The following GALNT13 variants were observed in gnomAD, a reference collection of about 807,000 sequenced individuals.
GALNT13 encodes the protein polypeptide N-acetylgalactosaminyltransferase 13.
Under a neutral mutation model 64.2 loss-of-function variants are expected in GALNT13, and 28 were observed. That is an observed-to-expected ratio of 0.44 (90% confidence interval 0.32 to 0.60). GALNT13 has a LOEUF of 0.60. GALNT13 is among the 20% of genes least tolerant of loss of function. GALNT13 has a pLI of 0.05. For missense variants in GALNT13, 577 were observed against 669.8 expected (o/e 0.86, Z 1.53); for synonymous variants, 214 against 224.6 (o/e 0.95, Z 0.42).
intron 3 of GALNT13, among the ~76,000 whole-genome samples, chr2:154,059,909 G>T (rs1482088988): frequency 6.6e-6 from 1 of 152,100 alleles, no homozygotes; most frequent in East Asian, 1.9e-4. Context: ...GGTGAAGCTT[G>T]GGGAGCTGGT....
chr2:154,337,272 A>G (rs948822055), intron 9 of GALNT13, among the ~76,000 whole-genome samples: 2 of 152,130 alleles, frequency 1.3e-5, no homozygotes, highest in Non-Finnish European at 2.9e-5. Context: ...CTGATTACAG[A>G]GTAATATATG....
At chr2:153,400,841 G>A in the GALNT13 span, among the ~76,000 whole-genome samples, 14 of 151,898 alleles carry the variant, frequency 9.2e-5, no homozygotes, top group African/African-American at 2.4e-4. Context: ...TCTGGCTAAC[G>A]GTCTATCAAT....
the GALNT13 span, among the ~76,000 whole-genome samples, chr2:153,497,575 T>C: frequency 7.7e-6 from 1 of 129,818 alleles, no homozygotes; most frequent in East Asian, 2.7e-4. Context: ...TTTCACTCCG[T>C]CTCCCAGGCT....
chr2:154,176,490 G>A (rs916004872), intron 4 of GALNT13, among the ~76,000 whole-genome samples: 4 of 151,768 alleles, frequency 2.6e-5, no homozygotes, highest in African/African-American at 4.8e-5. Flanking sequence ...CTGACCTCAC[G>A]ATCTGCCTGC....
the GALNT13 span, among the ~76,000 whole-genome samples, chr2:153,338,543 G>C: frequency 2.6e-5 from 4 of 151,996 alleles, no homozygotes; most frequent in South Asian, 2.1e-4. Flanking sequence ...ATGATGTTTT[G>C]ATATAAACAG....
At chr2:153,491,321 A>G in the GALNT13 span, among the ~76,000 whole-genome samples, 24 of 152,090 alleles carry the variant, frequency 1.6e-4, no homozygotes, top group African/African-American at 5.1e-4. Flanking sequence ...AATTTTACTA[A>G]GAAACATAAA....
chr2:154,242,718 G>A lies in GALNT13; in HGVS notation c.499G>A (p.Glu167Lys). The A allele has an allele frequency of 2.5e-6, 4 of 1,611,724 alleles. 1 individual carries two copies. The highest frequency in any genetic ancestry group is 3.3e-4 in the Middle Eastern group (2 of 6,050). ...TACAGATTTTCTCAAGTTGACATTAGAGAATTACGTGAAAAATTTAGAAGT... is the reference window on the plus strand; with the variant it reads ...TACAGATTTTCTCAAGTTGACATTAAAGAATTACGTGAAAAATTTAGAAGT... ...SERDFLKLTLENYVKNLEVPV... is the reference protein window; with the variant it reads ...SERDFLKLTLKNYVKNLEVPV... The change falls in exon 6 of 13, where the codon GAG becomes AAG. Residue 167 changes from glutamate (E) to lysine (K), a missense_variant. Physicochemically the swap from Glu to Lys is moderately conservative, Grantham distance 56. Around this residue, in one of 3 missense-constraint regions of GALNT13, gnomAD observed 341 missense variants for 379.3 expected, o/e 0.90. Transcript: ENST00000392825.
chr2:153,161,232 G>A, the GALNT13 span, among the ~76,000 whole-genome samples: 41 of 152,222 alleles, frequency 2.7e-4, no homozygotes, highest in African/African-American at 9.9e-4. Flanking sequence ...TCCTTATGTT[G>A]CACAGTGAAA....
intron 12 of GALNT13, among the ~76,000 whole-genome samples, chr2:154,443,140 A>G (rs1701387720): frequency 6.6e-6 from 1 of 152,048 alleles, no homozygotes; most frequent in African/African-American, 2.4e-5. Flanking sequence ...CAATGGCTCA[A>G]TTTACCTTTT....
At chr2:154,324,392 G>A (rs1040033264) in intron 9 of GALNT13, among the ~76,000 whole-genome samples, 3 of 151,776 alleles carry the variant, frequency 2.0e-5, no homozygotes, top group Non-Finnish European at 4.4e-5. Flanking sequence ...TCTCAACTTT[G>A]TCCACTGGAG....
chr2:153,435,564 C>T, the GALNT13 span, among the ~76,000 whole-genome samples: 3 of 151,336 alleles, frequency 2.0e-5, no homozygotes, highest in Admixed American at 6.6e-5. Flanking sequence ...AAGTTGGATT[C>T]CTAGGTATTT....
intron 8 of GALNT13, among the ~76,000 whole-genome samples, chr2:154,266,704 C>A (rs796695881): frequency 2.7e-4 from 41 of 151,736 alleles, no homozygotes; most frequent in African/African-American, 9.4e-4. Flanking sequence ...AGATTCACTG[C>A]AATAGCAAGT....
At chr2:154,242,347 G>A in intron 5 of GALNT13, 151 bp downstream of exon 5, 1 of 669,410 alleles carries the variant, frequency 1.5e-6, no homozygotes, top group South Asian at 2.1e-5. Flanking sequence ...CAGCCTATCA[G>A]ATTCTCATCA....
chr2:154,059,288 C>G (rs1208896520), intron 3 of GALNT13, among the ~76,000 whole-genome samples: 1 of 152,082 alleles, frequency 6.6e-6, no homozygotes, highest in Admixed American at 6.5e-5. Flanking sequence ...ATAAAAATAA[C>G]TAGGGAAAAT....
intron 9 of GALNT13, among the ~76,000 whole-genome samples, chr2:154,362,288 C>T (rs987699643): frequency 8.2e-5 from 11 of 133,688 alleles, no homozygotes; most frequent in African/African-American, 2.2e-4. Context: ...TCTAGTTTCT[C>T]GCTTCTTGAG....
At chr2:154,292,290 T>A (rs910147422) in intron 8 of GALNT13, among the ~76,000 whole-genome samples, 1 of 152,182 alleles carries the variant, frequency 6.6e-6, no homozygotes, top group African/African-American at 2.4e-5. Flanking sequence ...TACCCTCATA[T>A]ATTATTTCAT....
the GALNT13 span, among the ~76,000 whole-genome samples, chr2:153,238,409 T>G: frequency 6.6e-6 from 1 of 152,020 alleles, no homozygotes; most frequent in Non-Finnish European, 1.5e-5. Context: ...CTTCACCTAG[T>G]TCAGTATCCT....
At chr2:154,418,319 C>A (rs1700109422) in intron 11 of GALNT13, among the ~76,000 whole-genome samples, 1 of 152,014 alleles carries the variant, frequency 6.6e-6, no homozygotes. Flanking sequence ...ATGTTCTAAC[C>A]CCTGGAGCCT....
At chr2:153,828,055 G>A in the GALNT13 span, among the ~76,000 whole-genome samples, 1 of 152,224 alleles carries the variant, frequency 6.6e-6, no homozygotes, top group Non-Finnish European at 1.5e-5. Context: ...TGATGCAAGA[G>A]GCAGGTTCCC....
Sources: allele counts gnomAD v4.1 joint callset (sites outside exome capture counted in the v4.1 genomes callset), GRCh38; gene constraint gnomAD v4.1.1; regional missense constraint gnomAD v4.1.1; transcripts MANE v1.5; gene names NCBI Gene and HGNC (gene_info 2026-07-23, HGNC 2026-07-21).